The following IL1RAPL2 variants were observed in gnomAD, a reference collection of about 807,000 sequenced individuals.
The protein encoded by IL1RAPL2 is X-linked interleukin-1 receptor accessory protein-like 2.
Under a neutral mutation model 44.1 loss-of-function variants are expected in IL1RAPL2, and 3 were observed. The ratio of observed to expected loss-of-function variants is 0.07; its 90% CI spans 0.03 to 0.18. IL1RAPL2 has a LOEUF of 0.18. Ranked by LOEUF, IL1RAPL2 falls within the 10% of genes least tolerant of loss-of-function variation. IL1RAPL2 has a pLI of 1.00. For synonymous variants in IL1RAPL2, 181 were observed against 178.8 expected (o/e 1.01, Z -0.10); for missense variants, 391 against 496.4 (o/e 0.79, Z 2.02).
intron 3 of IL1RAPL2, among the ~76,000 whole-genome samples, chrX:105,228,091 G>A (rs2034034722): frequency 9.0e-6 from 1 of 111,673 alleles, no homozygotes; most frequent in Admixed American, 9.6e-5. Context: ...ATGTTTTAAC[G>A]TCAGTCTTAT....
At chrX:105,157,624 CTGAAA>C (rs2033280600) in intron 2 of IL1RAPL2, among the ~76,000 whole-genome samples, 1 of 111,917 alleles carries the variant, frequency 8.9e-6, no homozygotes, top group African/African-American at 3.3e-5. Flanking sequence ...TCATTTGGAA[CTGAAA>C]TGAGAGTTAA....
intron 2 of IL1RAPL2, among the ~76,000 whole-genome samples, chrX:105,036,439 G>A (rs2031630150): frequency 8.9e-6 from 1 of 111,944 alleles, no homozygotes; most frequent in African/African-American, 3.2e-5. Context: ...CAAGGCCAAC[G>A]ACTACCTCTT....
chrX:105,604,029 A>G (rs955669332), intron 6 of IL1RAPL2, among the ~76,000 whole-genome samples: 4 of 111,302 alleles, frequency 3.6e-5, no homozygotes, highest in African/African-American at 1.3e-4. Flanking sequence ...AGGGAAGTTC[A>G]TAAGAATAAA....
At chrX:105,739,919 G>A (rs1374709833) in intron 7 of IL1RAPL2, among the ~76,000 whole-genome samples, 5 of 102,003 alleles carry the variant, frequency 4.9e-5, no homozygotes, top group Admixed American at 1.1e-4. Flanking sequence ...CTGAGGAATC[G>A]CCACACTGAC....
chrX:104,976,750 C>T, intron 2 of IL1RAPL2, among the ~76,000 whole-genome samples: 1 of 110,682 alleles, frequency 9.0e-6, no homozygotes, highest in East Asian at 2.9e-4. Flanking sequence ...TGCCAAAAAC[C>T]CCAGAGTATC....
chrX:105,541,848 C>T (rs1439511091), intron 6 of IL1RAPL2, among the ~76,000 whole-genome samples: 1 of 111,178 alleles, frequency 9.0e-6, no homozygotes, highest in African/African-American at 3.3e-5. Context: ...ATTCTGTTAC[C>T]CACAGGATGA....
intron 6 of IL1RAPL2, among the ~76,000 whole-genome samples, chrX:105,515,582 A>G (rs1476070932): frequency 2.7e-5 from 3 of 111,823 alleles, no homozygotes; most frequent in Non-Finnish European, 1.9e-5. Flanking sequence ...GCAACTGATG[A>G]TAAGTGTTTT....
chrX:105,392,333 C>T (rs2035531887), intron 5 of IL1RAPL2, among the ~76,000 whole-genome samples: 1 of 109,889 alleles, frequency 9.1e-6, no homozygotes, highest in South Asian at 3.9e-4. Flanking sequence ...AGAGGTTGTA[C>T]AGAAAGATCT....
At chrX:105,474,720 A>G (rs1213855034) in intron 5 of IL1RAPL2, among the ~76,000 whole-genome samples, 2 of 111,967 alleles carry the variant, frequency 1.8e-5, no homozygotes, top group African/African-American at 6.5e-5. Flanking sequence ...GGATACAGCT[A>G]AAGGAGGTAT....
intron 5 of IL1RAPL2, among the ~76,000 whole-genome samples, chrX:105,460,782 T>C (rs1480116216): frequency 8.9e-6 from 1 of 111,848 alleles, no homozygotes; most frequent in East Asian, 2.8e-4. Flanking sequence ...GGGAAACCTA[T>C]TTCAGATCAC....
intron 5 of IL1RAPL2, among the ~76,000 whole-genome samples, chrX:105,385,285 T>C (rs1210980150): frequency 9.0e-6 from 1 of 110,901 alleles, no homozygotes; most frequent in African/African-American, 3.3e-5. Context: ...GTATACTCTT[T>C]ACGCATTCAA....
intron 5 of IL1RAPL2, among the ~76,000 whole-genome samples, chrX:105,416,233 G>A (rs6652922): frequency 0.034 from 3,836 of 111,590 alleles, 173 homozygotes; most frequent in African/African-American, 0.12. Flanking sequence ...ATCTTATTAC[G>A]TGATTCCTGT....
intron 1 of IL1RAPL2, among the ~76,000 whole-genome samples, chrX:104,620,742 G>C (rs1460114073): frequency 2.0e-5 from 2 of 101,909 alleles, no homozygotes; most frequent in African/African-American, 7.2e-5. Flanking sequence ...TTGTTAGTCA[G>C]TTTAGTACCC....
At chrX:105,411,922 C>T (rs1444002030) in intron 5 of IL1RAPL2, among the ~76,000 whole-genome samples, 1 of 111,465 alleles carries the variant, frequency 9.0e-6, no homozygotes, top group Non-Finnish European at 1.9e-5. Flanking sequence ...CAAATATTGA[C>T]AAATTTAGGA....
chrX:104,685,637 G>A (rs982641458), intron 2 of IL1RAPL2, among the ~76,000 whole-genome samples: 3 of 111,441 alleles, frequency 2.7e-5, no homozygotes, highest in African/African-American at 9.8e-5. Context: ...GGGGAAGGGG[G>A]AAGGGAAAGC....
chrX:104,641,835 C>A (rs1212859913), intron 1 of IL1RAPL2, among the ~76,000 whole-genome samples: 1 of 111,723 alleles, frequency 9.0e-6, no homozygotes, highest in African/African-American at 3.3e-5. Context: ...TGCCCCAGTT[C>A]CAGTGCTGTT....
intron 5 of IL1RAPL2, among the ~76,000 whole-genome samples, chrX:105,478,431 T>C (rs913965373): frequency 5.4e-5 from 6 of 111,425 alleles, no homozygotes; most frequent in African/African-American, 2.0e-4. Context: ...CATATAATCT[T>C]TCCTAGGCCT....
At chrX:104,668,254 T>G (rs935205797) in intron 2 of IL1RAPL2, among the ~76,000 whole-genome samples, 4 of 110,977 alleles carry the variant, frequency 3.6e-5, no homozygotes, top group African/African-American at 1.3e-4. Flanking sequence ...CGCTTTAGAT[T>G]GGAAGGCAGG....
chrX:104,894,940 A>G (rs1398681976), intron 2 of IL1RAPL2, among the ~76,000 whole-genome samples: 1 of 111,788 alleles, frequency 8.9e-6, no homozygotes, highest in Non-Finnish European at 1.9e-5. Context: ...GTCTTTGATG[A>G]TGGTGATGTT....
Sources: allele counts gnomAD v4.1 joint callset (sites outside exome capture counted in the v4.1 genomes callset), GRCh38; gene constraint gnomAD v4.1.1; transcripts MANE v1.5; gene names NCBI Gene and HGNC (gene_info 2026-07-23, HGNC 2026-07-21).